Variants in SV2A observed in about 807,000 individuals in gnomAD.
The protein encoded by SV2A is synaptic vesicle glycoprotein 2A.
A neutral mutation model predicts 78.0 loss-of-function variants in SV2A; 25 were observed. The ratio of observed to expected loss-of-function variants is 0.32; its 90% confidence interval spans 0.23 to 0.45. SV2A has a LOEUF of 0.45. SV2A is among the 20% of genes least tolerant of loss of function. The probability of loss-of-function intolerance (pLI) is 1.00; values close to 1 mark genes in which losing one functional copy is unlikely to be tolerated. For synonymous variants in SV2A, 355 were observed against 384.7 expected (o/e 0.92, Z 0.90); for missense variants, 752 against 971.5 (o/e 0.77, Z 3.00).
rs2101626018 is a variant in SV2A, at chr1:149,913,831, C to T, written c.10G>A (p.Gly4Ser). Residue 4 changes from glycine (G) to serine (S), a missense_variant, in exon 2 of 13, where the codon GGC (glycine) becomes AGC (serine). By Grantham distance (56) the Gly-to-Ser change is moderately conservative. Around this residue, in one of 7 missense-constraint regions of SV2A, gnomAD observed 291 missense variants for 359.5 expected, o/e 0.81. Coordinates refer to ENST00000369146, the MANE Select transcript of SV2A (RefSeq NM_014849.5). ...ATGAAAGCTGCCCGGTCTCGGAAGC[C>T]CTCTTCCATGATGGGGCTTGGGGCA... MEE[G>S]FRDRAAFIRG... 1.2e-6 allele frequency: 2 copies of T among 1,607,304 alleles called. No homozygotes were observed. The highest frequency in any genetic ancestry group is 1.7e-5 in the Admixed American group (1 of 59,660).
intron 8 of SV2A, among the ~76,000 whole-genome samples, chr1:149,908,800 G>T (rs1464950158): frequency 6.6e-6 from 1 of 152,056 alleles, no homozygotes; most frequent in Non-Finnish European, 1.5e-5. Flanking sequence ...ACCATGCCCG[G>T]CTAATTTTTT....
At chr1:149,915,816 A>G (rs1299021300) in intron 1 of SV2A, among the ~76,000 whole-genome samples, 1 of 152,132 alleles carries the variant, frequency 6.6e-6, no homozygotes. Flanking sequence ...AAGCAGGCCT[A>G]GATTCTGATC....
At chr1:149,912,322 C>T (rs1553763919) in intron 2 of SV2A, among the ~76,000 whole-genome samples, 2 of 152,076 alleles carry the variant, frequency 1.3e-5, no homozygotes, top group Non-Finnish European at 2.9e-5. Flanking sequence ...CAGACCACCC[C>T]AGGGTCCTCT....
rs782192334 is a variant in SV2A at position 149,908,258 on chromosome 1, A to G, written c.1380-52T>C. 4 of 1,583,282 alleles carry G rather than the reference A, an allele frequency of 2.5e-6. No homozygotes were observed. In the African/African-American group the frequency reaches 5.4e-5, roughly 21 times the overall value. ...GACAACAGGGCTTCAGACAAGGCTC[A>G]GAGATTAGAATCAGGCAGAGGAGAA... is the stretch of plus-strand genomic sequence containing the variant. On this transcript the variant is annotated intron_variant, in intron 8 of 12. Transcript: ENST00000369146.
Position 149,905,807 on chromosome 1 carries a change from C to T in SV2A, c.2045+73G>A, listed in dbSNP as rs1334078409. ...TCCTCTCACCCCTAAGGATGCTCTT[C>T]CCATTCAGCCCTCCTTCCTCACCCC... On this transcript the variant is annotated intron_variant, in intron 12 of 12. Coordinates refer to ENST00000369146, the MANE Select transcript of SV2A (RefSeq NM_014849.5). The T allele has an allele frequency of 5.7e-6, 9 of 1,566,482 alleles. No individual in the cohort carries two copies. The African/African-American group carries it at 1.2e-4, about 21-fold the overall frequency.
chr1:149,908,426 C>G (rs1045190778), intron 8 of SV2A, among the ~76,000 whole-genome samples: 7 of 152,200 alleles, frequency 4.6e-5, no homozygotes, highest in Admixed American at 6.5e-5. Context: ...GGGTCTCGCA[C>G]AGCAGCCACT....
intron 1 of SV2A, among the ~76,000 whole-genome samples, chr1:149,914,442 C>A (rs1048241284): frequency 6.6e-6 from 1 of 152,162 alleles, no homozygotes; most frequent in African/African-American, 2.4e-5. Flanking sequence ...TCACCTACCC[C>A]CAAACCCACC....
intron 1 of SV2A, among the ~76,000 whole-genome samples, chr1:149,916,185 G>T (rs965019950): frequency 6.6e-6 from 1 of 152,062 alleles, no homozygotes; most frequent in Non-Finnish European, 1.5e-5. Context: ...AGCCCTGAAG[G>T]AGGCAGGACC....
rs782695424 is a variant in SV2A, at chr1:149,913,702, A to C, written c.139T>G (p.Ser47Ala). Residue 47 changes from serine to alanine, a missense_variant, in exon 2 of 13, where the codon TCC becomes GCC. Physicochemically the swap from Ser to Ala is moderately conservative, Grantham distance 99. Around this residue, in one of 7 missense-constraint regions of SV2A, gnomAD observed 291 missense variants for 359.5 expected, o/e 0.81. Transcript: ENST00000369146. ...TCATCATCCTCCTCCTCAAAGCGGGAGTACGATCTTCGGGAATATTCGTCC... is the reference window on the plus strand; with the variant it reads ...TCATCATCCTCCTCCTCAAAGCGGGCGTACGATCTTCGGGAATATTCGTCC... ...VQDEYSRRSY[S>A]RFEEEDDDDD... is the part of the protein sequence containing the mutation. The C allele has an allele frequency of 1.2e-6, 2 of 1,614,086 alleles. No individual in the cohort carries two copies. Among genetic ancestry groups the C allele is most frequent in the Admixed American group, 3.3e-5 (2 of 60,020 alleles).
At position 149,906,070 on chromosome 1, in the gene SV2A, G is replaced by T. The variant is rs1290221429; in HGVS notation, c.1886-31C>A. 3.1e-6 allele frequency: 5 copies of T among 1,612,284 alleles called. No homozygotes were observed. In the South Asian group the frequency reaches 5.5e-5, roughly 18 times the overall value. Reference sequence around the variant, plus strand: ...GCCAGGAGAGGAGAGAGCAACATGAGCCTGGCCACAGTGAAACCCACCCAC... The same window carrying T: ...GCCAGGAGAGGAGAGAGCAACATGATCCTGGCCACAGTGAAACCCACCCAC... On this transcript the variant is annotated intron_variant, in intron 11 of 12. Transcript: ENST00000369146.
At chr1:149,914,438 A>AC (rs2092499754) in intron 1 of SV2A, among the ~76,000 whole-genome samples, 1 of 152,020 alleles carries the variant, frequency 6.6e-6, no homozygotes, top group Admixed American at 6.6e-5. Context: ...GCAGTCACCT[A>AC]CCCCCAAACC....
Position 149,909,270 on chromosome 1 carries a change from T to C in SV2A, c.1301A>G (p.Asn434Ser). Residue 434 changes from asparagine to serine, a missense_variant, in exon 8 of 13, where the codon AAT becomes AGT. Transcript: ENST00000369146. Reference sequence around the variant, plus strand: ...TTCGGGACCAAAACAGGAGAGAAAATTCCCCCAAACCTACAGGGGACCAGA... The same window carrying C: ...TTCGGGACCAAAACAGGAGAGAAAACTCCCCCAAACCTACAGGGGACCAGA... ...ALSLGGQVWG[N>S]FLSCFGPEYR... is the part of the protein sequence containing the mutation. The C allele has an allele frequency of 2.5e-6, 4 of 1,613,812 alleles. No individual in the cohort carries two copies. Among genetic ancestry groups the C allele is most frequent in the Non-Finnish European group, 3.4e-6 (4 of 1,179,960 alleles).
At chr1:149,905,546 C>G in intron 12 of SV2A, 2 of 297,912 alleles carry the variant, frequency 6.7e-6, no homozygotes, top group East Asian at 1.5e-4. Flanking sequence ...CTCCACCTCC[C>G]GGGTTCAAGC....
chr1:149,908,506 C>T (rs2092453639), intron 8 of SV2A, among the ~76,000 whole-genome samples: 1 of 152,232 alleles, frequency 6.6e-6, no homozygotes, highest in African/African-American at 2.4e-5. Context: ...CCCCAGCCAC[C>T]CCCACTCCAC....
intron 2 of SV2A, among the ~76,000 whole-genome samples, chr1:149,912,782 C>G (rs2092483191): frequency 6.7e-6 from 1 of 149,316 alleles, no homozygotes; most frequent in South Asian, 2.1e-4. Flanking sequence ...ATCCAGGACC[C>G]TCCCCCCCTC....
In SV2A at chr1:149,914,050, T is replaced by A. The variant is rs1340461253; in HGVS notation, c.-210A>T. 2 of 646,214 alleles carry A rather than the reference T, an allele frequency of 3.1e-6. No individual in the cohort carries two copies. Among genetic ancestry groups the A allele is most frequent in the Non-Finnish European group, 4.9e-6 (2 of 409,594 alleles). 40.0% of individuals were successfully genotyped at this position (646,214 alleles called of 1,614,324 possible). A position where few individuals can be genotyped will look rare whatever the true frequency, so the allele number is the denominator to read the frequency against. ...AAGGAAGGAGAGGAGCTTTGACCTA[T>A]ACCCAGTTCAGTTGGGTGGATGGGG... On this transcript the variant is annotated 5_prime_UTR_variant, in exon 2 of 13. Transcript: ENST00000369146.
intron 11 of SV2A, 59 bp from the exon 12 acceptor site, chr1:149,906,098 C>T: frequency 6.3e-7 from 1 of 1,579,240 alleles, no homozygotes; most frequent in South Asian, 1.2e-5. Context: ...CCACCCACAG[C>T]CCACCCTGTC....
At position 149,905,188 on chromosome 1, in the gene SV2A, A is replaced by C; in HGVS notation, c.2055T>G (p.Ala685=). 1 of 1,608,226 alleles carries C rather than the reference A, an allele frequency of 6.2e-7. No homozygotes were observed. Among genetic ancestry groups the C allele is most frequent in the South Asian group, 1.1e-5 (1 of 89,762 alleles). ...TACACAGGGCATTCAGGAAGCCAAA[A>C]GCTGTGGTCCTGCTCAGGAGTCCCC... ...ELYPSDKRTT[A]FGFLNALCKL... The change falls in exon 13 of 13, where the codon GCT becomes GCG. Residue 685 remains alanine, a synonymous_variant. Coordinates refer to ENST00000369146, the MANE Select transcript of SV2A (RefSeq NM_014849.5).
rs2092495781 is a variant in SV2A, at chr1:149,913,989, C to G, written c.-149G>C. On this transcript the variant is annotated 5_prime_UTR_variant, in exon 2 of 13. Coordinates refer to ENST00000369146, the MANE Select transcript of SV2A (RefSeq NM_014849.5). The stretch of plus-strand genomic sequence containing the variant: ...GTATCTCTGGGCACAAAAAAAAGAG[C>G]AAACAGGTCCTAGCCAATGAGTGCC... The G allele has an allele frequency of 8.0e-7, 1 of 1,242,344 alleles. No homozygotes were observed. The highest frequency in any genetic ancestry group is 1.1e-6 in the Non-Finnish European group (1 of 917,180). The allele number at this position is 1,242,344 out of a possible 1,614,324, so 77.0% of individuals were successfully genotyped here.
Sources: gnomAD v4.1 joint callset for allele counts (sites outside exome capture counted in the v4.1 genomes callset) on GRCh38, gnomAD v4.1.1 for gene constraint, gnomAD v4.1.1 regional missense constraint, MANE v1.5 for transcripts, NCBI Gene and HGNC (gene_info 2026-07-23, HGNC 2026-07-21) for gene names.